The following GNB1 variants were observed in gnomAD, a reference collection of about 807,000 sequenced individuals.
The protein encoded by GNB1 is G protein subunit beta 1.
A neutral mutation model predicts 42.9 loss-of-function variants in GNB1; 2 were observed. The ratio of observed to expected loss-of-function variants is 0.05; its 90% CI spans 0.02 to 0.15. The LOEUF (loss-of-function observed/expected upper bound fraction) is 0.15, where lower values mean the gene tolerates loss of function less well. GNB1 is among the 10% of genes least tolerant of loss of function. The pLI is 1.00. For missense variants in GNB1, 193 were observed against 462.2 expected (o/e 0.42, Z 5.34); for synonymous variants, 183 against 174.7 (o/e 1.05, Z -0.38).
chr1:1,838,726 C>T lies in GNB1; in HGVS notation c.-47+464G>A, dbSNP rs565088471. On this transcript the variant is annotated intron_variant, in intron 2 of 11. Transcript: ENST00000378609. The stretch of plus-strand genomic sequence containing the variant: ...CCCAAAGTGCTGGGATTACAGGCAT[C>T]AGCCACCGCACCCGGCCATATATTG... Among the ~76,000 whole-genome samples, 4 of 152,150 alleles carry T rather than the reference C, an allele frequency of 2.6e-5. No individual in the cohort carries two copies. In the East Asian group the frequency reaches 7.7e-4, roughly 29 times the overall value.
chr1:1,812,134 C>T (rs756870588), intron 5 of GNB1, among the ~76,000 whole-genome samples: 5 of 151,646 alleles, frequency 3.3e-5, no homozygotes, highest in African/African-American at 9.7e-5. Context: ...CAAGCAATAA[C>T]ATTTGTTTAT....
intron 5 of GNB1, among the ~76,000 whole-genome samples, 182 bp from the exon 6 acceptor site, chr1:1,806,720 T>C (rs1646700041): frequency 6.6e-6 from 1 of 152,202 alleles, no homozygotes; most frequent in African/African-American, 2.4e-5. Flanking sequence ...ACGTTTGTAA[T>C]CCCAGCACTT....
chr1:1,888,772 G>C (rs577194181), intron 1 of GNB1, among the ~76,000 whole-genome samples: 2 of 152,110 alleles, frequency 1.3e-5, no homozygotes, highest in Admixed American at 6.5e-5. Flanking sequence ...CGGGGGCGCG[G>C]AGGTTGCAAT....
At chr1:1,818,069 GA>G in intron 3 of GNB1, 194 bp from the exon 4 acceptor site, 1 of 502,846 alleles carries the variant, frequency 2.0e-6, no homozygotes, top group South Asian at 2.0e-5. Context: ...AGGCCACGCT[GA>G]ACAGAGAACC....
chr1:1,809,709 G>A (rs1646749279), intron 5 of GNB1, among the ~76,000 whole-genome samples: 1 of 152,126 alleles, frequency 6.6e-6, no homozygotes, highest in Non-Finnish European at 1.5e-5. Flanking sequence ...GGACACGTAA[G>A]CTGTCCACTG....
intron 2 of GNB1, among the ~76,000 whole-genome samples, chr1:1,830,663 C>T (rs1647063883): frequency 6.6e-6 from 1 of 152,104 alleles, no homozygotes; most frequent in Admixed American, 6.6e-5. Flanking sequence ...CTACCTTAGC[C>T]TCCAGAGTAG....
In GNB1 at chr1:1,828,680, T is replaced by C. The variant is rs568051723; in HGVS notation, c.-46-3181A>G. Among the ~76,000 whole-genome samples, 49 of 152,320 alleles carry C rather than the reference T, an allele frequency of 3.2e-4. No homozygotes were observed. The East Asian group carries it at 5.4e-3, about 17-fold the overall frequency. Reference sequence around the variant, plus strand: ...TCATAGTTAATAGCAGAAATTATTATAGCACTCTGCTGTGCCAACATTTGA... The same window carrying C: ...TCATAGTTAATAGCAGAAATTATTACAGCACTCTGCTGTGCCAACATTTGA... On this transcript the variant is annotated intron_variant, in intron 2 of 11. Coordinates refer to ENST00000378609, the MANE Select transcript of GNB1 (RefSeq NM_002074.5).
At chr1:1,868,327 C>T (rs573183004) in intron 1 of GNB1, among the ~76,000 whole-genome samples, 2 of 152,310 alleles carry the variant, frequency 1.3e-5, no homozygotes, top group South Asian at 4.1e-4. Flanking sequence ...AGGCATGAGC[C>T]ACCACATCCA....
Position 1,816,827 on chromosome 1 carries a change from T to C in GNB1, c.97-965A>G, listed in dbSNP as rs551526641. ...CCATGCCTGGCTAATTTTTGTATTT[T>C]AGTAGGGACAGGGTTTCACCATGTT... On this transcript the variant is annotated intron_variant, in intron 4 of 11. Transcript: ENST00000378609. Among the ~76,000 whole-genome samples, 3 of 152,088 alleles carry C rather than the reference T, an allele frequency of 2.0e-5. No homozygotes were observed. The South Asian group carries it at 6.2e-4, about 32-fold the overall frequency.
intron 1 of GNB1, among the ~76,000 whole-genome samples, chr1:1,843,803 A>G (rs1368325285): frequency 6.6e-6 from 1 of 151,928 alleles, no homozygotes; most frequent in East Asian, 1.9e-4. Flanking sequence ...CTGGGCTCGC[A>G]CCTCCCAGTG....
chr1:1,845,302 G>A (rs551862546), intron 1 of GNB1, among the ~76,000 whole-genome samples: 18 of 152,288 alleles, frequency 1.2e-4, no homozygotes, highest in Middle Eastern at 3.4e-3. Flanking sequence ...GGCCGGGTGC[G>A]GTGGCTCACG....
In GNB1 at chr1:1,804,563, G is replaced by C; in HGVS notation, c.286C>G (p.Arg96Gly). 6.2e-7 allele frequency: 1 copy of C among 1,608,266 alleles called. No individual in the cohort carries two copies. The highest frequency in any genetic ancestry group is 8.5e-7 in the Non-Finnish European group (1 of 1,176,506). The part of the protein sequence containing the change: ...TTNKVHAIPL[R>G]SSWVMTCAYA... ...GCACAGGTCATGACCCAGGAGGAGC[G>C]CAGAGGGATGGCGTGGACCTAATGA... The change falls in exon 7 of 12, where the codon CGC (arginine) becomes GGC (glycine). Residue 96 changes from arginine to glycine, a missense_variant. Physicochemically the swap from Arg to Gly is moderately radical, Grantham distance 125. Around this residue, in one of 2 missense-constraint regions of GNB1, gnomAD observed 150 missense variants for 410.8 expected, o/e 0.37. Transcript: ENST00000378609.
At chr1:1,854,854 G>A (rs1183541651) in intron 1 of GNB1, among the ~76,000 whole-genome samples, 1 of 152,198 alleles carries the variant, frequency 6.6e-6, no homozygotes, top group Admixed American at 6.5e-5. Flanking sequence ...CCAACATGGT[G>A]AAACCCCATC....
intron 10 of GNB1, 120 bp downstream of exon 10, chr1:1,788,933 T>C: frequency 1.4e-6 from 1 of 724,940 alleles, no homozygotes; most frequent in Non-Finnish European, 2.4e-6. Flanking sequence ...TCACTCCTGC[T>C]ACGCCATGCC....
intron 1 of GNB1, among the ~76,000 whole-genome samples, chr1:1,865,160 G>T (rs1337121282): frequency 6.6e-6 from 1 of 151,200 alleles, no homozygotes; most frequent in Non-Finnish European, 1.5e-5. Flanking sequence ...AACTCGGGAG[G>T]CTGAGGCAGG....
At chr1:1,882,229 C>T (rs951344339) in intron 1 of GNB1, among the ~76,000 whole-genome samples, 8 of 151,490 alleles carry the variant, frequency 5.3e-5, no homozygotes, top group East Asian at 3.9e-4. Context: ...AGTTCAAGAG[C>T]GGCATGGGCA....
At chr1:1,807,065 G>A (rs1294247648) in intron 5 of GNB1, among the ~76,000 whole-genome samples, 1 of 152,162 alleles carries the variant, frequency 6.6e-6, no homozygotes, top group African/African-American at 2.4e-5. Context: ...ACAGTTGAGA[G>A]TGGAGATGCC....
intron 1 of GNB1, among the ~76,000 whole-genome samples, chr1:1,843,377 G>A (rs1232148712): frequency 6.6e-6 from 1 of 151,974 alleles, no homozygotes; most frequent in East Asian, 1.9e-4. Context: ...GTGCCACCAT[G>A]CCCAGCTAAT....
At chr1:1,796,061 A>C (rs111841443) in intron 7 of GNB1, among the ~76,000 whole-genome samples, 110 of 152,380 alleles carry the variant, frequency 7.2e-4, no homozygotes, top group African/African-American at 2.4e-3. Context: ...CCAAGTACCC[A>C]TACAACTATT....
Sources: gnomAD v4.1 joint callset for allele counts (sites outside exome capture counted in the v4.1 genomes callset) on GRCh38, gnomAD v4.1.1 for gene constraint, gnomAD v4.1.1 regional missense constraint, MANE v1.5 for transcripts, NCBI Gene and HGNC (gene_info 2026-07-23, HGNC 2026-07-21) for gene names.